Variants in FRYL observed in about 807,000 individuals in gnomAD.
FRYL encodes protein furry homolog-like.
A neutral mutation model predicts 351.2 loss-of-function variants in FRYL; 150 were observed. The ratio of observed to expected loss-of-function variants is 0.43; its 90% CI spans 0.37 to 0.49. The LOEUF (loss-of-function observed/expected upper bound fraction) is 0.49, where lower values mean the gene tolerates loss of function less well. Ranked by LOEUF, FRYL falls within the 20% of genes least tolerant of loss-of-function variation. FRYL has a pLI of 0.00. For synonymous variants in FRYL, 1,153 were observed against 1,257.1 expected (o/e 0.92, Z 1.75); for missense variants, 3,036 against 3,619.3 (o/e 0.84, Z 4.13).
chr4:48,758,459 A>C (rs751759560), intron 1 of FRYL, among the ~76,000 whole-genome samples: 12 of 152,382 alleles, frequency 7.9e-5, no homozygotes, highest in African/African-American at 1.7e-4. Flanking sequence ...ACATTTATGC[A>C]GCCAACAGAC....
intron 3 of FRYL, among the ~76,000 whole-genome samples, chr4:48,679,153 T>A (rs1273971991): frequency 6.6e-6 from 1 of 152,128 alleles, no homozygotes; most frequent in Non-Finnish European, 1.5e-5. Flanking sequence ...GCTGGCTGAT[T>A]TATATTTTTT....
chr4:48,633,506 T>C (rs568240575), intron 4 of FRYL, among the ~76,000 whole-genome samples: 3 of 152,178 alleles, frequency 2.0e-5, no homozygotes, highest in African/African-American at 7.2e-5. Context: ...ATCATCAGTA[T>C]CTCAAGCTTA....
chr4:48,620,818 C>CT (rs1750510652), intron 5 of FRYL, 40 bp from the exon 6 acceptor site: 1 of 1,549,942 alleles, frequency 6.5e-7, no homozygotes, highest in East Asian at 2.3e-5. Flanking sequence ...AATTGTAACA[C>CT]TGAATGTACC....
intron 53 of FRYL, among the ~76,000 whole-genome samples, chr4:48,526,218 A>G (rs1275531657): frequency 2.0e-5 from 3 of 152,208 alleles, no homozygotes; most frequent in African/African-American, 7.2e-5. Context: ...ATACATCAAG[A>G]TATGGTATAC....
intron 3 of FRYL, among the ~76,000 whole-genome samples, chr4:48,652,328 T>C (rs991255353): frequency 6.6e-6 from 1 of 152,158 alleles, no homozygotes; most frequent in African/African-American, 2.4e-5. Context: ...AAAAAGTACA[T>C]GGTGAGGATG....
chr4:48,731,538 A>G (rs1770722119), intron 1 of FRYL, among the ~76,000 whole-genome samples: 1 of 152,216 alleles, frequency 6.6e-6, no homozygotes. Flanking sequence ...AAACTTTACT[A>G]CAAGGCTACA....
intron 2 of FRYL, among the ~76,000 whole-genome samples, chr4:48,709,132 G>A (rs1767733588): frequency 1.3e-5 from 2 of 151,852 alleles, no homozygotes; most frequent in Non-Finnish European, 2.9e-5. Flanking sequence ...GTGTTAGCCA[G>A]GATGGTTTCG....
intron 63 of FRYL, among the ~76,000 whole-genome samples, 172 bp from the exon 64 acceptor site, chr4:48,499,852 TC>T (rs1283703650): frequency 2.0e-5 from 3 of 152,196 alleles, no homozygotes; most frequent in Non-Finnish European, 4.4e-5. Context: ...CAAAGTACCA[TC>T]TGAAAGTGAA....
rs970834416 is a variant in FRYL at position 48,557,314 on chromosome 4, T to G, written c.4125+139A>C. ...TCATATATGGTTTTAGTAAAAAAAA[T>G]TCATATCTAATGAGTCTTTTTTAAA... On this transcript the variant is annotated intron_variant, in intron 34 of 63. Transcript: ENST00000358350. 19 of 1,240,844 alleles carry G rather than the reference T, an allele frequency of 1.5e-5. No individual in the cohort carries two copies. In the East Asian group the frequency reaches 4.8e-4, roughly 31 times the overall value. The allele number at this position is 1,240,844 out of a possible 1,614,324, so 76.9% of individuals were successfully genotyped here. A position where few individuals can be genotyped will look rare whatever the true frequency, so the allele number is the denominator to read the frequency against.
intron 20 of FRYL, among the ~76,000 whole-genome samples, chr4:48,581,840 T>C (rs1740969195): frequency 1.3e-5 from 2 of 152,220 alleles, no homozygotes; most frequent in African/African-American, 4.8e-5. Context: ...CTGACTATTT[T>C]GTAACCTTGG....
chr4:48,645,124 TTATATATATATA>T lies in FRYL; in HGVS notation c.-80-10646_-80-10635del, dbSNP rs36223183. Among the ~76,000 whole-genome samples the T allele has an allele frequency of 2.0e-3, 215 of 105,254 alleles. 9 individuals carry two copies. Among genetic ancestry groups the T allele is most frequent in the Middle Eastern group, 5.6e-3 (1 of 178 alleles). 69.1% of individuals were successfully genotyped at this position (105,254 alleles called of 152,430 possible). A position where few individuals can be genotyped will look rare whatever the true frequency, so the allele number is the denominator to read the frequency against. On this transcript the variant is annotated intron_variant, in intron 3 of 63. Coordinates refer to ENST00000358350, the MANE Select transcript of FRYL (RefSeq NM_015030.2). Reference sequence around the variant, plus strand: ...ATTAAACCAGCAGTGAGCTTTCATTTTATATATATATATATATATATATATATATATCAGACT... The same window carrying T: ...ATTAAACCAGCAGTGAGCTTTCATTTTATATATATATATATATATCAGACT...
At chr4:48,717,645 ATCC>A (rs1769019766) in intron 1 of FRYL, among the ~76,000 whole-genome samples, 1 of 151,556 alleles carries the variant, frequency 6.6e-6, no homozygotes, top group Non-Finnish European at 1.5e-5. Context: ...TGTTCAAGCA[ATCC>A]TCCTGCCTCA....
At chr4:48,609,311 A>G (rs781272760) in intron 8 of FRYL, among the ~76,000 whole-genome samples, 2 of 152,104 alleles carry the variant, frequency 1.3e-5, no homozygotes, top group Non-Finnish European at 2.9e-5. Flanking sequence ...TCTTATCAGC[A>G]TTTTCTGTGG....
intron 1 of FRYL, among the ~76,000 whole-genome samples, chr4:48,750,595 G>T (rs1156842505): frequency 6.6e-6 from 1 of 152,152 alleles, no homozygotes; most frequent in East Asian, 1.9e-4. Flanking sequence ...AATAAAAGTG[G>T]TAAGACTGTA....
intron 1 of FRYL, among the ~76,000 whole-genome samples, chr4:48,756,256 C>T (rs531313882): frequency 1.3e-5 from 2 of 152,080 alleles, no homozygotes; most frequent in Non-Finnish European, 2.9e-5. Context: ...AAAGGTTCCC[C>T]CATGTGTTTC....
intron 2 of FRYL, among the ~76,000 whole-genome samples, chr4:48,696,727 C>T (rs1578750635): frequency 6.6e-6 from 1 of 151,596 alleles, no homozygotes; most frequent in African/African-American, 2.4e-5. Context: ...AATTAAATTA[C>T]TAACTTTTAG....
intron 3 of FRYL, among the ~76,000 whole-genome samples, chr4:48,668,665 A>G (rs973601034): frequency 2.0e-5 from 3 of 152,250 alleles, no homozygotes; most frequent in African/African-American, 7.2e-5. Flanking sequence ...CTCAGTCCTC[A>G]ACCCACTATC....
intron 7 of FRYL, among the ~76,000 whole-genome samples, chr4:48,610,385 A>C (rs1293950854): frequency 6.6e-6 from 1 of 151,568 alleles, no homozygotes; most frequent in East Asian, 1.9e-4. Flanking sequence ...TAAAAGCCCT[A>C]CTCCTCCACC....
intron 1 of FRYL, among the ~76,000 whole-genome samples, chr4:48,716,313 G>C (rs1306585567): frequency 6.6e-6 from 1 of 151,286 alleles, no homozygotes; most frequent in Non-Finnish European, 1.5e-5. Context: ...CACAGCAAAA[G>C]AAACTACCAT....
Sources: gnomAD v4.1 joint callset for allele counts (sites outside exome capture counted in the v4.1 genomes callset) on GRCh38, gnomAD v4.1.1 for gene constraint, MANE v1.5 for transcripts, NCBI Gene and HGNC (gene_info 2026-07-23, HGNC 2026-07-21) for gene names.